ATPAF2: variants seen among roughly 807,000 people sequenced by gnomAD.
ATPAF2 encodes ATP12 homolog.
In ATPAF2, 30 loss-of-function variants were observed where a neutral mutation model predicts 36.6. The observed-to-expected ratio is 0.82, with a 90% CI of 0.61 to 1.11. The LOEUF is 1.11. Ranked by LOEUF, ATPAF2 falls within the 50% of genes most tolerant of loss-of-function variation. ATPAF2 has a pLI of 0.00. For synonymous variants in ATPAF2, 140 were observed against 152.6 expected (o/e 0.92, Z 0.61); for missense variants, 321 against 372.3 (o/e 0.86, Z 1.13).
intron 1 of ATPAF2, among the ~76,000 whole-genome samples, chr17:18,032,836 A>ATT (rs562389150): frequency 2.2e-4 from 31 of 139,880 alleles, no homozygotes; most frequent in African/African-American, 2.4e-4. Flanking sequence ...GATTGATTCA[A>ATT]TTTTTTTTTT....
chr17:18,039,067 A>G lies in ATPAF2; in HGVS notation c.-54T>C. 3 of 1,553,634 alleles carry G rather than the reference A, an allele frequency of 1.9e-6. No individual in the cohort carries two copies. Among genetic ancestry groups the G allele is most frequent in the Non-Finnish European group, 2.6e-6 (3 of 1,149,020 alleles). Reference sequence around the variant, plus strand: ...ACGCGAAACCTGGAGCAGGAAACACAGAGCGATGGGATCCCCAAAGCCGCA... The same window carrying G: ...ACGCGAAACCTGGAGCAGGAAACACGGAGCGATGGGATCCCCAAAGCCGCA... On this transcript the variant is annotated 5_prime_UTR_variant, in exon 1 of 8. Transcript: ENST00000474627. This position sits in a 1 kb window ranked among gnomAD's most constrained non-coding sequence, Gnocchi z 5.3.
At position 18,021,813 on chromosome 17, in the gene ATPAF2, C is replaced by T. The variant is rs776406701; in HGVS notation, c.548G>A (p.Ser183Asn). 3.1e-6 allele frequency: 5 copies of T among 1,614,058 alleles called. No homozygotes were observed. The highest frequency in any genetic ancestry group is 1.3e-5 in the African/African-American group (1 of 74,926). Residue 183 changes from serine to asparagine, a missense_variant, in exon 6 of 8, where the codon AGC (serine) becomes AAC (asparagine). This residue lies in a region of ATPAF2 where 199 missense variants were observed against 220.6 expected (regional missense o/e 0.90). Coordinates refer to ENST00000474627, the MANE Select transcript of ATPAF2 (RefSeq NM_145691.4). ...CACCTCCCGAGTTTTGGCAGGGATG[C>T]TGGGTCCCATTATGCTGGTGGAGGA... ...ISSSTSIMGP[S>N]IPAKTREVLV...
chr17:18,022,456 T>G (rs1385300314), intron 5 of ATPAF2, among the ~76,000 whole-genome samples: 1 of 152,042 alleles, frequency 6.6e-6, no homozygotes, highest in Non-Finnish European at 1.5e-5. Flanking sequence ...TAATTTTTTT[T>G]GTAGAGACAG....
downstream of ATPAF2, chr17:18,016,430 G>C (rs1012723164): frequency 1.9e-5 from 15 of 795,734 alleles, no homozygotes; most frequent in Middle Eastern, 2.0e-3. Flanking sequence ...AGAACCTGGG[G>C]AGGCGCTGAA....
At chr17:18,037,153 C>G (rs2044714206) in intron 1 of ATPAF2, among the ~76,000 whole-genome samples, 2 of 152,130 alleles carry the variant, frequency 1.3e-5, no homozygotes, top group Admixed American at 1.3e-4. Context: ...TGAATGTGTC[C>G]CCTTTGCTAT....
At chr17:18,017,331 G>A (rs540702431), downstream of ATPAF2, among the ~76,000 whole-genome samples, 85 of 152,248 alleles carry the variant, frequency 5.6e-4, no homozygotes, top group Admixed American at 2.4e-3. Context: ...AGTCAGACAC[G>A]TGCCCCTGCC....
At chr17:18,019,855 T>C (rs2044444029) in intron 7 of ATPAF2, among the ~76,000 whole-genome samples, 1 of 152,212 alleles carries the variant, frequency 6.6e-6, no homozygotes, top group South Asian at 2.1e-4. Flanking sequence ...ATTCAGGTTA[T>C]TCCTCTGTTT....
intron 5 of ATPAF2, 21 bp downstream of exon 5, chr17:18,024,603 C>T (rs780221440): frequency 1.4e-5 from 22 of 1,607,612 alleles, no homozygotes; most frequent in Middle Eastern, 1.6e-4. Flanking sequence ...TCAGTGCTTT[C>T]TGCAGGGCTG....
At chr17:18,019,651 C>G (rs2044440132) in intron 7 of ATPAF2, among the ~76,000 whole-genome samples, 1 of 145,744 alleles carries the variant, frequency 6.9e-6, no homozygotes, top group South Asian at 2.1e-4. Flanking sequence ...TAAGTCCAAC[C>G]AAACCTTGCT....
In ATPAF2 at chr17:18,018,886, A is replaced by G. The variant is rs113260817; in HGVS notation, c.733-200T>C. Among the ~76,000 whole-genome samples, 1,530 of 152,306 alleles carry G rather than the reference A, an allele frequency of 0.01. 19 individuals carry two copies. Among genetic ancestry groups the G allele is most frequent in the East Asian group, 0.031 (159 of 5,178 alleles). ...CACGGTGGCTCACGCCTGTAATCCC[A>G]GCACTCTGGGAGACCGAGGCAGGAA... is the stretch of plus-strand genomic sequence containing the variant. On this transcript the variant is annotated intron_variant, in intron 7 of 7. Coordinates refer to ENST00000474627, the MANE Select transcript of ATPAF2 (RefSeq NM_145691.4).
intron 1 of ATPAF2, among the ~76,000 whole-genome samples, chr17:18,030,773 T>C (rs1315557418): frequency 6.9e-6 from 1 of 145,516 alleles, no homozygotes; most frequent in Non-Finnish European, 1.5e-5. Context: ...GTTCACGCCA[T>C]TCTCCTGCCT....
rs1291380757 is a variant in ATPAF2, at chr17:18,018,810, T to A, written c.733-124A>T. ...CAGGTTTGTATCTTGCCAAAACACA[T>A]GAGACATGCCTAGGGGGAGGTGGCA... is the stretch of plus-strand genomic sequence containing the variant. On this transcript the variant is annotated intron_variant, in intron 7 of 7. Transcript: ENST00000474627. The A allele has an allele frequency of 3.6e-6, 5 of 1,406,060 alleles. No homozygotes were observed. The East Asian group carries it at 1.1e-4, about 32-fold the overall frequency. The allele number at this position is 1,406,060 out of a possible 1,614,324, so 87.1% of individuals were successfully genotyped here.
rs1399152292 is a variant in ATPAF2 at position 18,028,062 on chromosome 17, C to A, written c.324+170G>T. On this transcript the variant is annotated intron_variant, in intron 3 of 7. Transcript: ENST00000474627. ...GGAGAGAGAGCTGCAAGTAGCCGGG[C>A]CAGACAAGGAAAGAGTTTAGCACGT... The A allele has an allele frequency of 1.4e-5, 11 of 781,184 alleles. No homozygotes were observed. In the East Asian group the frequency reaches 2.9e-4, roughly 21 times the overall value. The allele number at this position is 781,184 out of a possible 1,614,324, so 48.4% of individuals were successfully genotyped here.
At chr17:18,023,827 G>A (rs2044505505) in intron 5 of ATPAF2, among the ~76,000 whole-genome samples, 1 of 152,170 alleles carries the variant, frequency 6.6e-6, no homozygotes, top group South Asian at 2.1e-4. Flanking sequence ...CACAGTCAAG[G>A]TAGTACCATG....
At chr17:18,037,393 G>C (rs1330545763) in intron 1 of ATPAF2, among the ~76,000 whole-genome samples, 1 of 152,116 alleles carries the variant, frequency 6.6e-6, no homozygotes, top group African/African-American at 2.4e-5. Flanking sequence ...TTCGAGACCA[G>C]CCTAGTCAAT....
At chr17:18,019,187 C>CACACACACACA (rs1256217214) in intron 7 of ATPAF2, among the ~76,000 whole-genome samples, 16 of 40,424 alleles carry the variant, frequency 4.0e-4, no homozygotes, top group Admixed American at 2.1e-3. Context: ...ACACACACAC[C>CACACACACACA]CCACCACCCC....
chr17:18,038,840 C>CG (rs749265763), intron 1 of ATPAF2, 41 bp downstream of exon 1: 2 of 1,610,556 alleles, frequency 1.2e-6, no homozygotes, highest in South Asian at 2.2e-5. Flanking sequence ...CCACCTTACC[C>CG]CAGCTCGGCC....
downstream of ATPAF2, chr17:18,016,667 A>C (rs1219856256): frequency 6.2e-7 from 1 of 1,604,876 alleles, no homozygotes; most frequent in Admixed American, 1.7e-5. Flanking sequence ...GACATCCTAG[A>C]CTAGATGAAT....
At chr17:18,017,067 G>A (rs1341279666), downstream of ATPAF2, among the ~76,000 whole-genome samples, 1 of 149,802 alleles carries the variant, frequency 6.7e-6, no homozygotes, top group African/African-American at 2.5e-5. Flanking sequence ...AGCTACTCAG[G>A]AGGCTGAGGC....
Sources: gnomAD v4.1 joint callset for allele counts (sites outside exome capture counted in the v4.1 genomes callset) on GRCh38, gnomAD v4.1.1 for gene constraint, gnomAD v4.1.1 regional missense constraint, Gnocchi (gnomAD v3.1) non-coding constraint, MANE v1.5 for transcripts, NCBI Gene and HGNC (gene_info 2026-07-23, HGNC 2026-07-21) for gene names.